The following DLG2 variants were observed in gnomAD, a reference collection of about 807,000 sequenced individuals.
DLG2 encodes discs large MAGUK scaffold protein 2.
DLG2 carries 45 observed loss-of-function variants against 132.5 expected under a neutral mutation model. The ratio of observed to expected loss-of-function variants is 0.34; its 90% CI spans 0.27 to 0.44. The LOEUF is 0.44. Among genes scored for constraint, DLG2 ranks in the 20% least tolerant of loss-of-function variants. DLG2 has a pLI of 1.00. For missense variants in DLG2, 1,045 were observed against 1,196.9 expected (o/e 0.87, Z 1.87); for synonymous variants, 424 against 419.6 (o/e 1.01, Z -0.13).
At chr11:84,782,393 C>A (rs1208400880) in intron 6 of DLG2, among the ~76,000 whole-genome samples, 2 of 151,806 alleles carry the variant, frequency 1.3e-5, no homozygotes, top group Admixed American at 1.3e-4. Flanking sequence ...GCTTCCTACC[C>A]ACCCACCTAC....
chr11:84,197,398 A>G (rs986488229), intron 8 of DLG2, among the ~76,000 whole-genome samples: 14 of 152,212 alleles, frequency 9.2e-5, no homozygotes, highest in Non-Finnish European at 2.9e-5. Flanking sequence ...GTTAAAACTC[A>G]ATGAATTTGT....
intron 17 of DLG2, among the ~76,000 whole-genome samples, chr11:83,831,187 G>A (rs187082360): frequency 6.6e-6 from 1 of 152,276 alleles, no homozygotes; most frequent in Admixed American, 6.5e-5. Flanking sequence ...AGTACAGAAA[G>A]ACAGACATGT....
chr11:84,442,706 AAAAG>A lies in DLG2; in HGVS notation c.519+91860_519+91863del, dbSNP rs56224511. ...CCCAGAACTTAAGTATAATTAAAAAAAAAGAAAGAAAGAAAGAAAGAAAGAAAGA... is the reference window on the plus strand; with the variant it reads ...CCCAGAACTTAAGTATAATTAAAAAAAAAGAAAGAAAGAAAGAAAGAAAGA... On this transcript the variant is annotated intron_variant, in intron 7 of 27. Transcript: ENST00000376104. Among the ~76,000 whole-genome samples, 589 of 148,974 alleles carry A rather than the reference AAAAG, an allele frequency of 4.0e-3. 7 individuals are homozygous for A. The highest frequency in any genetic ancestry group is 0.016 in the East Asian group (80 of 5,090).
chr11:84,587,060 C>G (rs2099531529), intron 6 of DLG2, among the ~76,000 whole-genome samples: 1 of 152,154 alleles, frequency 6.6e-6, no homozygotes, highest in Non-Finnish European at 1.5e-5. Flanking sequence ...TTCACTGCTC[C>G]CTAGTCTAGT....
chr11:85,338,469 T>A (rs1231607697), intron 3 of DLG2, among the ~76,000 whole-genome samples: 1 of 152,110 alleles, frequency 6.6e-6, no homozygotes, highest in Non-Finnish European at 1.5e-5. Flanking sequence ...TATAATACAA[T>A]TAGGTTCATT....
At chr11:84,520,517 G>T (rs938530534) in intron 7 of DLG2, among the ~76,000 whole-genome samples, 1 of 152,084 alleles carries the variant, frequency 6.6e-6, no homozygotes, top group Non-Finnish European at 1.5e-5. Context: ...AAATTACATT[G>T]GTTGTTTGGA....
At chr11:85,612,010 G>C (rs1185117176) in intron 2 of DLG2, among the ~76,000 whole-genome samples, 1 of 152,132 alleles carries the variant, frequency 6.6e-6, no homozygotes, top group East Asian at 1.9e-4. Flanking sequence ...GGAAGAGACT[G>C]AAAGTCAAAG....
chr11:85,568,166 C>A (rs1018794647), intron 3 of DLG2, among the ~76,000 whole-genome samples: 3 of 151,892 alleles, frequency 2.0e-5, no homozygotes, highest in South Asian at 2.1e-4. Context: ...AGGCATGCAC[C>A]ACCATGCCTG....
chr11:84,431,077 C>T (rs1235261524), intron 7 of DLG2, among the ~76,000 whole-genome samples: 1 of 152,056 alleles, frequency 6.6e-6, no homozygotes, highest in East Asian at 1.9e-4. Flanking sequence ...ACTACTTATG[C>T]CTGAGATAAA....
At chr11:83,805,966 C>T (rs907174761) in intron 17 of DLG2, among the ~76,000 whole-genome samples, 1 of 152,134 alleles carries the variant, frequency 6.6e-6, no homozygotes, top group South Asian at 2.1e-4. Flanking sequence ...CAATGTCCTA[C>T]ATTACACGCC....
At chr11:85,371,251 C>T (rs140256354) in intron 3 of DLG2, among the ~76,000 whole-genome samples, 10 of 152,176 alleles carry the variant, frequency 6.6e-5, no homozygotes, top group Non-Finnish European at 1.5e-4. Context: ...ATGGACTGAA[C>T]TCAGGAAGCT....
At chr11:85,065,090 A>G (rs897635548) in intron 6 of DLG2, among the ~76,000 whole-genome samples, 1 of 151,610 alleles carries the variant, frequency 6.6e-6, no homozygotes, top group Non-Finnish European at 1.5e-5. Context: ...TGGGCAGTGG[A>G]GAGGGGTGGG....
chr11:84,612,653 A>G (rs1430604896), intron 6 of DLG2, among the ~76,000 whole-genome samples: 1 of 152,124 alleles, frequency 6.6e-6, no homozygotes. Flanking sequence ...TTCTTTTCTT[A>G]GTTCATAAAT....
At chr11:84,669,796 A>C (rs1178341874) in intron 6 of DLG2, among the ~76,000 whole-genome samples, 1 of 152,158 alleles carries the variant, frequency 6.6e-6, no homozygotes, top group East Asian at 1.9e-4. Flanking sequence ...TGGACTCCTA[A>C]GTACCTCCTT....
At chr11:84,474,479 G>A (rs1176633456) in intron 7 of DLG2, among the ~76,000 whole-genome samples, 1 of 151,994 alleles carries the variant, frequency 6.6e-6, no homozygotes, top group East Asian at 1.9e-4. Context: ...AGGCCCCAGG[G>A]CTGTTTTCTG....
At chr11:85,551,452 A>G (rs1334242625) in intron 3 of DLG2, among the ~76,000 whole-genome samples, 1 of 152,148 alleles carries the variant, frequency 6.6e-6, no homozygotes, top group African/African-American at 2.4e-5. Flanking sequence ...AATTGTACCA[A>G]TGTTGCTTTA....
At chr11:84,112,807 G>A (rs1490755246) in intron 9 of DLG2, among the ~76,000 whole-genome samples, 4 of 152,076 alleles carry the variant, frequency 2.6e-5, no homozygotes, top group Admixed American at 6.5e-5. Flanking sequence ...CCCTTGGAAC[G>A]GATAAAGAAA....
intron 7 of DLG2, among the ~76,000 whole-genome samples, chr11:84,510,123 T>G (rs987984476): frequency 1.4e-5 from 2 of 147,454 alleles, no homozygotes; most frequent in Non-Finnish European, 3.0e-5. Flanking sequence ...TTATTATTAT[T>G]ATGTTAATCA....
intron 6 of DLG2, among the ~76,000 whole-genome samples, chr11:84,957,196 C>G (rs1309054763): frequency 7.2e-5 from 11 of 152,106 alleles, no homozygotes; most frequent in Admixed American, 7.2e-4. Context: ...AGGACTCAAA[C>G]CTAGACTTGC....
Sources: gnomAD v4.1 joint callset for allele counts (sites outside exome capture counted in the v4.1 genomes callset) on GRCh38, gnomAD v4.1.1 for gene constraint, MANE v1.5 for transcripts, NCBI Gene and HGNC (gene_info 2026-07-23, HGNC 2026-07-21) for gene names.